Variants in GPC5 observed in about 807,000 individuals in gnomAD.
GPC5 encodes the protein glypican 5.
A neutral mutation model predicts 53.9 loss-of-function variants in GPC5; 47 were observed. The ratio of observed to expected loss-of-function variants is 0.87; its 90% CI spans 0.69 to 1.11. GPC5 has a LOEUF of 1.11. Ranked by LOEUF, GPC5 falls within the 50% of genes most tolerant of loss-of-function variation. The pLI, the probability that GPC5 is intolerant of heterozygous loss-of-function variation, is 0.00. For synonymous variants in GPC5, 286 were observed against 263.3 expected (o/e 1.09, Z -0.84); for missense variants, 748 against 713.1 (o/e 1.05, Z -0.56).
chr13:91,806,352 T>G (rs2038221531), intron 5 of GPC5, among the ~76,000 whole-genome samples: 1 of 152,086 alleles, frequency 6.6e-6, no homozygotes, highest in South Asian at 2.1e-4. Flanking sequence ...ATGAATTTTT[T>G]ATTTAGGGAA....
intron 7 of GPC5, among the ~76,000 whole-genome samples, chr13:92,698,509 T>C (rs1400784110): frequency 2.6e-5 from 4 of 152,228 alleles, no homozygotes; most frequent in Non-Finnish European, 5.9e-5. Context: ...TCATTTTTTA[T>C]GGCTGCATAG....
chr13:92,599,844 T>C (rs564639828), intron 7 of GPC5, among the ~76,000 whole-genome samples: 1 of 152,010 alleles, frequency 6.6e-6, no homozygotes, highest in Non-Finnish European at 1.5e-5. Flanking sequence ...GTAAAATATA[T>C]ACAACACAAA....
chr13:91,983,159 C>A (rs142507447), intron 6 of GPC5, among the ~76,000 whole-genome samples: 5,604 of 152,050 alleles, frequency 0.037, 148 homozygotes, highest in Middle Eastern at 0.061. Flanking sequence ...TCCTGGCTAA[C>A]ACGGTGAAAC....
intron 1 of GPC5, among the ~76,000 whole-genome samples, chr13:91,426,315 G>A (rs1041053524): frequency 6.6e-6 from 1 of 152,102 alleles, no homozygotes; most frequent in Non-Finnish European, 1.5e-5. Flanking sequence ...AGGGCCCAGG[G>A]CTCTGCTGCT....
intron 7 of GPC5, among the ~76,000 whole-genome samples, chr13:92,169,210 G>GA (rs1240230532): frequency 2.0e-5 from 3 of 152,090 alleles, no homozygotes; most frequent in Admixed American, 6.6e-5. Context: ...AGAGCATTGG[G>GA]AAAAAATAGC....
intron 6 of GPC5, among the ~76,000 whole-genome samples, chr13:91,968,992 G>T (rs1286813738): frequency 1.3e-5 from 2 of 150,420 alleles, no homozygotes; most frequent in Non-Finnish European, 3.0e-5. Flanking sequence ...TTTTGAGATG[G>T]AGTCTCCACT....
chr13:92,723,314 C>T (rs1289599422), intron 7 of GPC5, among the ~76,000 whole-genome samples: 1 of 37,800 alleles, frequency 2.6e-5, no homozygotes, highest in East Asian at 5.2e-3. Flanking sequence ...ATTTCTTAAC[C>T]CTCCGAATAA....
intron 7 of GPC5, among the ~76,000 whole-genome samples, chr13:92,526,478 A>G (rs1881286828): frequency 6.6e-6 from 1 of 152,050 alleles, no homozygotes; most frequent in South Asian, 2.1e-4. Context: ...TACATGAGAA[A>G]AGTCAGACAG....
chr13:91,762,545 G>A (rs996456351), intron 5 of GPC5, among the ~76,000 whole-genome samples: 6 of 150,328 alleles, frequency 4.0e-5, no homozygotes, highest in Admixed American at 2.6e-4. Flanking sequence ...TGCAAAGGCA[G>A]TATGTTCTTT....
chr13:92,724,424 A>T (rs1252134070), intron 7 of GPC5, among the ~76,000 whole-genome samples: 1 of 151,640 alleles, frequency 6.6e-6, no homozygotes, highest in Non-Finnish European at 1.5e-5. Flanking sequence ...ATTTTGAGAA[A>T]CCTTCATACT....
intron 2 of GPC5, among the ~76,000 whole-genome samples, chr13:91,498,424 T>G (rs1049951275): frequency 6.6e-6 from 1 of 152,002 alleles, no homozygotes; most frequent in Non-Finnish European, 1.5e-5. Flanking sequence ...GGGAACTGGT[T>G]GAGCAGGGAT....
intron 5 of GPC5, among the ~76,000 whole-genome samples, chr13:91,817,216 C>T (rs899830184): frequency 5.9e-5 from 9 of 152,074 alleles, no homozygotes; most frequent in African/African-American, 2.2e-4. Context: ...GACAGGAATT[C>T]GAATTCTTTT....
At chr13:92,661,313 G>C (rs1450588505) in intron 7 of GPC5, among the ~76,000 whole-genome samples, 1 of 149,880 alleles carries the variant, frequency 6.7e-6, no homozygotes, top group Non-Finnish European at 1.5e-5. Flanking sequence ...CATAAAAACT[G>C]ACATGCTCAG....
At chr13:92,306,040 G>A (rs181593614) in intron 7 of GPC5, among the ~76,000 whole-genome samples, 1 of 152,244 alleles carries the variant, frequency 6.6e-6, no homozygotes, top group African/African-American at 2.4e-5. Flanking sequence ...CAAACGAGCT[G>A]GACTTATCCA....
At chr13:91,789,072 G>A (rs1221792650) in intron 5 of GPC5, among the ~76,000 whole-genome samples, 1 of 152,044 alleles carries the variant, frequency 6.6e-6, no homozygotes, top group African/African-American at 2.4e-5. Flanking sequence ...AAATTAGCTG[G>A]GCATGGTGGC....
In GPC5 at chr13:91,574,628, A is replaced by T. The variant is rs776494357; in HGVS notation, c.326-118559A>T. On this transcript the variant is annotated intron_variant, in intron 2 of 7. Transcript: ENST00000377067. ...AGAAAGTTATAGAGTTGCTGGCAAG[A>T]TGAAGTACACTATATATGCATGCCT... Among the ~76,000 whole-genome samples the T allele has an allele frequency of 1.2e-4, 18 of 152,152 alleles. 1 individual carries two copies. The highest frequency in any genetic ancestry group is 2.1e-4 in the South Asian group (1 of 4,832).
At chr13:92,218,698 A>AT (rs1382872210) in intron 7 of GPC5, among the ~76,000 whole-genome samples, 16 of 152,126 alleles carry the variant, frequency 1.1e-4, no homozygotes, top group South Asian at 2.1e-4. Flanking sequence ...AATCAGCAAC[A>AT]TTTTTTTCAA....
chr13:92,710,303 G>A (rs1298463414), intron 7 of GPC5, among the ~76,000 whole-genome samples: 1 of 151,376 alleles, frequency 6.6e-6, no homozygotes, highest in Non-Finnish European at 1.5e-5. Flanking sequence ...AAAAATAAAT[G>A]TTGAACTCAC....
At chr13:92,544,986 G>T (rs1277436682) in intron 7 of GPC5, among the ~76,000 whole-genome samples, 1 of 151,864 alleles carries the variant, frequency 6.6e-6, no homozygotes, top group South Asian at 2.1e-4. Context: ...TGTTACATAT[G>T]TATACATGTG....
Sources: gnomAD v4.1 joint callset for allele counts (sites outside exome capture counted in the v4.1 genomes callset) on GRCh38, gnomAD v4.1.1 for gene constraint, MANE v1.5 for transcripts, NCBI Gene and HGNC (gene_info 2026-07-23, HGNC 2026-07-21) for gene names.